Variants in SLC14A1 observed in about 807,000 individuals in gnomAD.
SLC14A1 encodes the protein solute carrier family 14 member 1 (Kidd blood group), also known as urea transporter 1.
In SLC14A1, 36 loss-of-function variants were observed where a neutral mutation model predicts 39.6. The ratio of observed to expected loss-of-function variants is 0.91; its 90% confidence interval spans 0.70 to 1.20. SLC14A1 has a LOEUF of 1.20. SLC14A1 is among the 50% of genes most tolerant of loss of function. SLC14A1 has a pLI of 0.00. For missense variants in SLC14A1, 469 were observed against 478.7 expected (o/e 0.98, Z 0.19); for synonymous variants, 164 against 173.6 (o/e 0.94, Z 0.43).
intron 8 of SLC14A1, chr18:45,740,005 T>A (rs2047316850): frequency 2.7e-6 from 1 of 373,080 alleles, no homozygotes; most frequent in Admixed American, 3.7e-5. Context: ...CACACATGCC[T>A]TCTCAAAGCT....
At position 45,726,542 on chromosome 18, in the gene SLC14A1, C is replaced by A. The variant is rs28994272; in HGVS notation, c.-22+1529C>A. 2.9e-3 allele frequency among the ~76,000 whole-genome samples: 445 copies of A among 152,224 alleles called. 1 individual carries two copies. The highest frequency in any genetic ancestry group is 0.01 in the African/African-American group (433 of 41,516). On this transcript the variant is annotated intron_variant, in intron 2 of 9. Coordinates refer to ENST00000321925, the MANE Select transcript of SLC14A1 (RefSeq NM_015865.7). ...TGGCATGATGACTTATGCCTGTAAT[C>A]CCAGTGTTTTGGGAGGCTAAGGTGG...
In SLC14A1 at chr18:45,748,496, G is replaced by A. The variant is rs537252659; in HGVS notation, c.996+71G>A. On this transcript the variant is annotated intron_variant, in intron 9 of 9. Coordinates refer to ENST00000321925, the MANE Select transcript of SLC14A1 (RefSeq NM_015865.7). ...TTACAACTATATGGGAAATGCTCCT[G>A]AAGTCCACTGGGCTGGCATCCAGTG... 4.2e-5 allele frequency: 63 copies of A among 1,484,930 alleles called. No homozygotes were observed. The South Asian group carries it at 6.7e-4, about 16-fold the overall frequency. 92.0% of individuals were successfully genotyped at this position (1,484,930 alleles called of 1,614,324 possible). A position where few individuals can be genotyped will look rare whatever the true frequency, so the allele number is the denominator to read the frequency against.
rs58989782 is a variant in SLC14A1 at position 45,751,342 on chromosome 18, C to CA, written c.*1406dup. On this transcript the variant is annotated 3_prime_UTR_variant, in exon 10 of 10. Coordinates refer to ENST00000321925, the MANE Select transcript of SLC14A1 (RefSeq NM_015865.7). ...GCGACAAGAGTGAAACTGTGTCTCT[C>CA]AAAAAAAAAAAAAAACAAACAAAAA... 134,669 of 614,958 alleles carry CA rather than the reference C, an allele frequency of 0.22. 5,704 individuals carry two copies. The highest frequency in any genetic ancestry group is 0.35 in the Admixed American group (2,319 of 6,546). 38.1% of individuals were successfully genotyped at this position (614,958 alleles called of 1,614,324 possible). A position where few individuals can be genotyped will look rare whatever the true frequency, so the allele number is the denominator to read the frequency against.
In SLC14A1 at chr18:45,748,359, CCTT is replaced by C; in HGVS notation, c.947-16_947-14del. ...ATCTACGAAGCATTGTTCTTTCCCT[CCTT>C]TTTTTTTCTGTAGCCCTGTTCACGG... is the stretch of plus-strand genomic sequence containing the variant. On this transcript the variant is annotated splice_polypyrimidine_tract_variant and intron_variant, in intron 8 of 9. Coordinates refer to ENST00000321925, the MANE Select transcript of SLC14A1 (RefSeq NM_015865.7). 6.2e-7 allele frequency: 1 copy of C among 1,613,896 alleles called. No homozygotes were observed. Among genetic ancestry groups the C allele is most frequent in the South Asian group, 1.1e-5 (1 of 91,066 alleles).
At chr18:45,739,062 G>A in intron 6 of SLC14A1, 101 bp from the exon 7 acceptor site, 2 of 1,196,828 alleles carry the variant, frequency 1.7e-6, no homozygotes, top group South Asian at 2.4e-5. Context: ...AAGAGGTAAG[G>A]TATGTCCAAT....
chr18:45,736,213 T>A (rs914846591), intron 5 of SLC14A1, among the ~76,000 whole-genome samples: 1 of 152,238 alleles, frequency 6.6e-6, no homozygotes, highest in African/African-American at 2.4e-5. Context: ...TAGCTCACTC[T>A]GAGCAACCCC....
At chr18:45,727,035 T>C in intron 2 of SLC14A1, 2 of 478,448 alleles carry the variant, frequency 4.2e-6, no homozygotes, top group Non-Finnish European at 7.6e-6. Flanking sequence ...TAAATGAACA[T>C]CAAATTTCCA....
At chr18:45,745,953 T>TA (rs1424204731) in intron 8 of SLC14A1, among the ~76,000 whole-genome samples, 1 of 152,216 alleles carries the variant, frequency 6.6e-6, no homozygotes, top group Non-Finnish European at 1.5e-5. Context: ...CCAACATAAA[T>TA]AAGTGACAGA....
rs778842969 is a variant in SLC14A1 at position 45,748,360 on chromosome 18, C to T, written c.947-16C>T. ...TCTACGAAGCATTGTTCTTTCCCTC[C>T]TTTTTTTTTCTGTAGCCCTGTTCAC... is the stretch of plus-strand genomic sequence containing the variant. On this transcript the variant is annotated splice_polypyrimidine_tract_variant and intron_variant, in intron 8 of 9. Coordinates refer to ENST00000321925, the MANE Select transcript of SLC14A1 (RefSeq NM_015865.7). The T allele has an allele frequency of 1.3e-5, 19 of 1,513,998 alleles. No individual in the cohort carries two copies. The highest frequency in any genetic ancestry group is 1.5e-5 in the Non-Finnish European group (16 of 1,095,050). 93.8% of individuals were successfully genotyped at this position (1,513,998 alleles called of 1,614,324 possible). A position where few individuals can be genotyped will look rare whatever the true frequency, so the allele number is the denominator to read the frequency against.
At chr18:45,746,011 G>A (rs2047534373) in intron 8 of SLC14A1, among the ~76,000 whole-genome samples, 1 of 152,210 alleles carries the variant, frequency 6.6e-6, no homozygotes. Context: ...GGCTTTATCA[G>A]GAAGTGGACT....
chr18:45,740,520 CAAAAAAAAAAAA>C (rs10714760), intron 8 of SLC14A1, among the ~76,000 whole-genome samples: 17 of 132,550 alleles, frequency 1.3e-4, no homozygotes, highest in African/African-American at 4.9e-4. Flanking sequence ...GACTTCATCT[CAAAAAAAAAAAA>C]AAAAGAGAAA....
In SLC14A1 at chr18:45,750,302, T is replaced by C. The variant is rs1009134903; in HGVS notation, c.*351T>C. ...TCTTGGTGTTTAGCTGGCTCGATGA[T>C]GTTAACAGTATTAAAAATTAAACCC... is the stretch of plus-strand genomic sequence containing the variant. On this transcript the variant is annotated 3_prime_UTR_variant, in exon 10 of 10. Transcript: ENST00000321925. 8.4e-6 allele frequency: 10 copies of C among 1,188,714 alleles called. No homozygotes were observed. The highest frequency in any genetic ancestry group is 3.1e-5 in the African/African-American group (2 of 63,666). The allele number at this position is 1,188,714 out of a possible 1,614,324, so 73.6% of individuals were successfully genotyped here. A position where few individuals can be genotyped will look rare whatever the true frequency, so the allele number is the denominator to read the frequency against.
intron 8 of SLC14A1, among the ~76,000 whole-genome samples, chr18:45,743,793 C>T (rs866633490): frequency 9.2e-5 from 14 of 152,168 alleles, no homozygotes; most frequent in African/African-American, 2.9e-4. Flanking sequence ...AGTTTATCAA[C>T]ATCTGTATCT....
At chr18:45,740,597 G>A (rs1406904968) in intron 8 of SLC14A1, among the ~76,000 whole-genome samples, 1 of 151,192 alleles carries the variant, frequency 6.6e-6, no homozygotes, top group Non-Finnish European at 1.5e-5. Flanking sequence ...GTGCGGTGGT[G>A]TGAACACAGC....
chr18:45,745,529 T>TG (rs1276577027), intron 8 of SLC14A1, among the ~76,000 whole-genome samples: 4 of 152,270 alleles, frequency 2.6e-5, no homozygotes, highest in South Asian at 2.1e-4. Context: ...GCCCTTTTGC[T>TG]GGGGGAAGTT....
At chr18:45,739,352 A>G (rs774425761) in intron 7 of SLC14A1, 42 bp downstream of exon 7, 1 of 1,613,698 alleles carries the variant, frequency 6.2e-7, no homozygotes, top group Non-Finnish European at 8.5e-7. Flanking sequence ...CACCTCCTCC[A>G]TCCCATGCAT....
chr18:45,728,676 TTTTATC>T lies in SLC14A1; in HGVS notation c.-21-1619_-21-1614del, dbSNP rs28994281. On this transcript the variant is annotated intron_variant, in intron 2 of 9. Transcript: ENST00000321925. ...TAAGTGCTTAATTATTCATACGGTTTTTTATCTTTAACTATGGAGCCAACTCAGCTC... is the reference window on the plus strand; with the variant it reads ...TAAGTGCTTAATTATTCATACGGTTTTTTAACTATGGAGCCAACTCAGCTC... 7.9e-3 allele frequency among the ~76,000 whole-genome samples: 1,198 copies of T among 152,318 alleles called. 10 individuals are homozygous for T. Among genetic ancestry groups the T allele is most frequent in the African/African-American group, 0.028 (1,155 of 41,556 alleles).
At chr18:45,745,796 A>G (rs2047529315) in intron 8 of SLC14A1, among the ~76,000 whole-genome samples, 1 of 152,202 alleles carries the variant, frequency 6.6e-6, no homozygotes, top group Non-Finnish European at 1.5e-5. Context: ...ACAAGGTACA[A>G]TCAGACTTTT....
At chr18:45,749,689 G>A (rs2047655592) in intron 9 of SLC14A1, 89 bp from the exon 10 acceptor site, 1 of 1,476,712 alleles carries the variant, frequency 6.8e-7, no homozygotes, top group Non-Finnish European at 9.5e-7. Context: ...CATCCCCCTG[G>A]GCTGAATGCA....
Sources: allele counts gnomAD v4.1 joint callset (sites outside exome capture counted in the v4.1 genomes callset), GRCh38; gene constraint gnomAD v4.1.1; transcripts MANE v1.5; gene names NCBI Gene and HGNC (gene_info 2026-07-23, HGNC 2026-07-21).